Variants in ZNF723 observed in about 807,000 individuals in gnomAD.
ZNF723 encodes zinc finger protein 723.
A neutral mutation model predicts 9.4 loss-of-function variants in ZNF723; 5 were observed. The observed-to-expected ratio is 0.53, with a 90% CI of 0.28 to 1.12. The LOEUF (loss-of-function observed/expected upper bound fraction) is 1.12, where lower values mean the gene tolerates loss of function less well. ZNF723 is among the 50% of genes most tolerant of loss of function. The pLI is 0.10. For synonymous variants in ZNF723, 158 were observed against 168.8 expected, an observed-to-expected ratio of 0.94 and a Z score of 0.49; for missense variants, 450 against 501.5, an observed-to-expected ratio of 0.90 and a Z score of 0.98.
At chr19:22,819,701 G>A in the ZNF723 span, among the ~76,000 whole-genome samples, 1 of 152,214 alleles carries the variant, frequency 6.6e-6, no homozygotes, top group East Asian at 1.9e-4. Context: ...CGTACAATAT[G>A]TAACTATCCT....
the ZNF723 span, among the ~76,000 whole-genome samples, chr19:22,816,630 C>T: frequency 3.9e-5 from 6 of 152,224 alleles, no homozygotes; most frequent in African/African-American, 1.4e-4. Flanking sequence ...ACTGTCCTGC[C>T]TGGGCTCAGC....
In ZNF723 at chr19:22,858,220, TAAG is replaced by T; in HGVS notation, c.1331_1333del (p.Lys444del). Reference sequence around the variant, plus strand: ...GCCAATCCTCAACCCTTACTAAACATAAGATAATTCATACTAAAGAGAAACCCT... The same window carrying T: ...GCCAATCCTCAACCCTTACTAAACATATAATTCATACTAAAGAGAAACCCT... On this transcript the variant is annotated inframe_deletion, in exon 4 of 4. Coordinates refer to ENST00000600766, the MANE Select transcript of ZNF723 (RefSeq NM_001349726.2). The T allele has an allele frequency of 7.3e-7, 1 of 1,369,530 alleles. No individual in the cohort carries two copies. The highest frequency in any genetic ancestry group is 1.2e-5 in the South Asian group (1 of 85,814). The allele number at this position is 1,369,530 out of a possible 1,614,324, so 84.8% of individuals were successfully genotyped here.
At chr19:22,850,020 C>A (rs1036206895) in intron 3 of ZNF723, among the ~76,000 whole-genome samples, 1 of 151,442 alleles carries the variant, frequency 6.6e-6, no homozygotes, top group African/African-American at 2.4e-5. Flanking sequence ...TTTGTTTTTT[C>A]ATTTTTCTGC....
At chr19:22,855,047 CAA>C (rs538988009) in intron 3 of ZNF723, among the ~76,000 whole-genome samples, 1 of 144,774 alleles carries the variant, frequency 6.9e-6, no homozygotes. Flanking sequence ...AACTCCATCT[CAA>C]AAAAAAAAAT....
At chr19:22,821,485 CT>C in the ZNF723 span, among the ~76,000 whole-genome samples, 1 of 152,134 alleles carries the variant, frequency 6.6e-6, no homozygotes, top group African/African-American at 2.4e-5. Flanking sequence ...GATAATGTGA[CT>C]TTCCTGCCTG....
At chr19:22,847,022 C>T (rs1568406357) in intron 1 of ZNF723, among the ~76,000 whole-genome samples, 1 of 149,606 alleles carries the variant, frequency 6.7e-6, no homozygotes, top group South Asian at 2.1e-4. Context: ...CTTGGATAAG[C>T]ACTCTCTGAC....
At chr19:22,841,995 A>G (rs1366499500) in intron 1 of ZNF723, among the ~76,000 whole-genome samples, 8 of 149,896 alleles carry the variant, frequency 5.3e-5, no homozygotes. Flanking sequence ...CCACCTTTGA[A>G]CTATGTTTTG....
At chr19:22,855,345 C>T in intron 3 of ZNF723, among the ~76,000 whole-genome samples, 1 of 151,496 alleles carries the variant, frequency 6.6e-6, no homozygotes, top group East Asian at 2.0e-4. Context: ...TCTCCTTCCT[C>T]AGACTCCTGA....
At chr19:22,836,333 T>C (rs567014758) in intron 1 of ZNF723, among the ~76,000 whole-genome samples, 21 of 152,280 alleles carry the variant, frequency 1.4e-4, no homozygotes, top group Admixed American at 1.3e-3. Context: ...ATTCTTGCTT[T>C]GAGGCAGTTT....
chr19:22,832,492 G>C (rs892158471), intron 1 of ZNF723, 110 bp downstream of exon 1: 1 of 1,169,290 alleles, frequency 8.6e-7, no homozygotes, highest in Non-Finnish European at 1.2e-6. Context: ...CACAATCTGC[G>C]CTCGGAGTTC....
chr19:22,854,010 C>A (rs1967434783), intron 3 of ZNF723, among the ~76,000 whole-genome samples: 1 of 147,280 alleles, frequency 6.8e-6, no homozygotes, highest in Admixed American at 6.9e-5. Flanking sequence ...CAAATTTTCT[C>A]TTTCCTTATT....
Position 22,832,332 on chromosome 19 carries a change from A to G in ZNF723, c.-48A>G, listed in dbSNP as rs1967108024. 1.5e-6 allele frequency: 2 copies of G among 1,378,614 alleles called. No homozygotes were observed. Among genetic ancestry groups the G allele is most frequent in the Non-Finnish European group, 1.0e-6 (1 of 986,148 alleles). The allele number at this position is 1,378,614 out of a possible 1,614,324, so 85.4% of individuals were successfully genotyped here. ...CTCTGTGGCCTCCTGACCTACATGC[A>G]TTGGGAGATCCACAGCTAAGACGCC... On this transcript the variant is annotated 5_prime_UTR_variant, in exon 1 of 4. Transcript: ENST00000600766.
chr19:22,856,738 C>T (rs1967485392), intron 3 of ZNF723, among the ~76,000 whole-genome samples: 2 of 152,112 alleles, frequency 1.3e-5, no homozygotes, highest in South Asian at 4.1e-4. Flanking sequence ...AAAAGCCCCT[C>T]AAAGACAGAA....
In ZNF723 at chr19:22,857,247, G is replaced by A. The variant is rs1967491832; in HGVS notation, c.356G>A (p.Ser119Asn). The A allele has an allele frequency of 2.4e-6, 2 of 837,482 alleles. No homozygotes were observed. Among genetic ancestry groups the A allele is most frequent in the African/African-American group, 1.7e-5 (1 of 59,632 alleles). 51.9% of individuals were successfully genotyped at this position (837,482 alleles called of 1,614,324 possible). The change falls in exon 4 of 4, where the codon AGT (serine) becomes AAT (asparagine). Residue 119 changes from serine (S) to asparagine (N), a missense_variant. Physicochemically the swap from Ser to Asn is conservative, Grantham distance 46. Coordinates refer to ENST00000600766, the MANE Select transcript of ZNF723 (RefSeq NM_001349726.2). ...TTACAATTAAGAAAAGGCTGTGAAA[G>A]TGTGGATGAGTGTAAGATGCACAAA... ...DNLQLRKGCESVDECKMHKGG... is the reference protein window; with the variant it reads ...DNLQLRKGCENVDECKMHKGG...
chr19:22,828,419 C>T (rs774206018), upstream of ZNF723, among the ~76,000 whole-genome samples: 12 of 152,102 alleles, frequency 7.9e-5, no homozygotes, highest in Non-Finnish European at 1.8e-4. Context: ...CTTTGGGACG[C>T]CGGGGCGGGC....
chr19:22,822,852 AC>A, the ZNF723 span, among the ~76,000 whole-genome samples: 4 of 152,004 alleles, frequency 2.6e-5, no homozygotes, highest in African/African-American at 9.7e-5. Flanking sequence ...ACAGAGTGAG[AC>A]TCCATCTCAA....
chr19:22,833,766 G>A (rs139595765), intron 1 of ZNF723, among the ~76,000 whole-genome samples: 2,058 of 150,932 alleles, frequency 0.014, 46 homozygotes, highest in African/African-American at 0.048. Context: ...GTGCCACCAC[G>A]CCTGGCTATT....
chr19:22,853,285 TTGAG>T (rs1207253450), intron 3 of ZNF723, among the ~76,000 whole-genome samples: 10 of 152,260 alleles, frequency 6.6e-5, no homozygotes, highest in African/African-American at 2.4e-4. Context: ...TTGAAGATTG[TTGAG>T]TATTTTATTT....
At chr19:22,820,685 T>C in the ZNF723 span, among the ~76,000 whole-genome samples, 1 of 152,156 alleles carries the variant, frequency 6.6e-6, no homozygotes, top group Non-Finnish European at 1.5e-5. Flanking sequence ...AATATCAAAT[T>C]ACCACTCTCT....
Sources: allele counts gnomAD v4.1 joint callset (sites outside exome capture counted in the v4.1 genomes callset), GRCh38; gene constraint gnomAD v4.1.1; transcripts MANE v1.5; gene names NCBI Gene and HGNC (gene_info 2026-07-23, HGNC 2026-07-21).